The following RNF207 variants were observed in gnomAD, a reference collection of about 807,000 sequenced individuals.
The protein encoded by RNF207 is OTTHUMG00000001089.
A neutral mutation model predicts 79.0 loss-of-function variants in RNF207; 72 were observed. The observed-to-expected ratio is 0.91, with a 90% CI of 0.75 to 1.11. The LOEUF is 1.11. Ranked by LOEUF, RNF207 falls within the 50% of genes least tolerant of loss-of-function variation. The pLI is 0.00. For synonymous variants in RNF207, 348 were observed against 366.2 expected (o/e 0.95, Z 0.57); for missense variants, 936 against 855.8 (o/e 1.09, Z -1.17).
chr1:6,215,330 C>T (rs961471937), intron 16 of RNF207, among the ~76,000 whole-genome samples: 1 of 150,406 alleles, frequency 6.6e-6, no homozygotes, highest in Non-Finnish European at 1.5e-5. Context: ...ACCCGGCCCC[C>T]CTTTTTTTTT....
chr1:6,212,766 T>C, intron 15 of RNF207, 33 bp downstream of exon 15: 1 of 1,579,800 alleles, frequency 6.3e-7, no homozygotes, highest in African/African-American at 1.4e-5. Context: ...GTGAACCCTC[T>C]GTCCCTGAGC....
At chr1:6,213,677 T>C (rs1024737892) in intron 16 of RNF207, among the ~76,000 whole-genome samples, 4 of 151,838 alleles carry the variant, frequency 2.6e-5, no homozygotes, top group African/African-American at 9.7e-5. Flanking sequence ...CCCTCAGGAG[T>C]AGGTCAAAGC....
chr1:6,207,586 T>C lies in RNF207; in HGVS notation c.324+75T>C. ...CAGTCCCCAATGCTTGCACATGCAC[T>C]CAGCATGTCTTCAGAGGACGACCTG... On this transcript the variant is annotated intron_variant, in intron 3 of 17. Coordinates refer to ENST00000377939, the MANE Select transcript of RNF207 (RefSeq NM_207396.3). The surrounding 1 kb of genome is among the most constrained non-coding windows in gnomAD (Gnocchi z 4.5). 6.8e-7 allele frequency: 1 copy of C among 1,461,306 alleles called. No homozygotes were observed. Among genetic ancestry groups the C allele is most frequent in the South Asian group, 1.2e-5 (1 of 82,974 alleles). 90.5% of individuals were successfully genotyped at this position (1,461,306 alleles called of 1,614,324 possible). A position where few individuals can be genotyped will look rare whatever the true frequency, so the allele number is the denominator to read the frequency against.
rs561361658 is a variant in RNF207, at chr1:6,208,325, A to T, written c.325-556A>T. On this transcript the variant is annotated intron_variant, in intron 3 of 17. Coordinates refer to ENST00000377939, the MANE Select transcript of RNF207 (RefSeq NM_207396.3). ...TTTTGTTGCAGGTAAAAAAAAAAAA[A>T]TTTTTTTTTTTGAGACGGATTCTTG... The T allele has an allele frequency of 1.6e-3, 240 of 148,124 alleles. 1 individual carries two copies. Among genetic ancestry groups the T allele is most frequent in the Admixed American group, 3.2e-3 (48 of 14,842 alleles). 9.2% of individuals were successfully genotyped at this position (148,124 alleles called of 1,614,324 possible).
rs761234514 is a variant in RNF207, at chr1:6,206,512, C to A, written c.1-24C>A. 7 of 1,523,168 alleles carry A rather than the reference C, an allele frequency of 4.6e-6. No homozygotes were observed. The South Asian group carries it at 8.4e-5, about 18-fold the overall frequency. 94.4% of individuals were successfully genotyped at this position (1,523,168 alleles called of 1,614,324 possible). ...AGCGGGGCTCCGTGCGTGCCCCAGC[C>A]GCCCGCTTGCGCTGTCGCTGCAGAT... On this transcript the variant is annotated intron_variant, in intron 1 of 17. Transcript: ENST00000377939.
rs1169242870 is a variant in RNF207 at position 6,208,861 on chromosome 1, A to G, written c.325-20A>G. ...CCGCGGTCGGGCTCTGGCGCTCCTG[A>G]GCCCGCGCTCGGCCCGCAGGACGTG... On this transcript the variant is annotated intron_variant, in intron 3 of 17. Coordinates refer to ENST00000377939, the MANE Select transcript of RNF207 (RefSeq NM_207396.3). 2 of 1,520,818 alleles carry G rather than the reference A, an allele frequency of 1.3e-6. No homozygotes were observed. The highest frequency in any genetic ancestry group is 4.0e-5 in the Admixed American group (2 of 49,516). 94.2% of individuals were successfully genotyped at this position (1,520,818 alleles called of 1,614,324 possible).
At chr1:6,212,481 C>G in intron 14 of RNF207, 65 bp downstream of exon 14, 1 of 1,478,214 alleles carries the variant, frequency 6.8e-7, no homozygotes, top group Non-Finnish European at 9.2e-7. Context: ...TACCCTAAGA[C>G]AGTAAGCGGG....
Position 6,206,291 on chromosome 1 carries a change from G to T in RNF207, c.-12G>T, listed in dbSNP as rs1318453326. ...CGGAGGACCGGTAGCTCCCAGCAAAGCGGCCCAGCGGGTAGGTACAAGGCC... is the reference window on the plus strand; with the variant it reads ...CGGAGGACCGGTAGCTCCCAGCAAATCGGCCCAGCGGGTAGGTACAAGGCC... On this transcript the variant is annotated 5_prime_UTR_variant, in exon 1 of 18. Coordinates refer to ENST00000377939, the MANE Select transcript of RNF207 (RefSeq NM_207396.3). The T allele has an allele frequency of 6.6e-6, 3 of 453,412 alleles. No individual in the cohort carries two copies. Among genetic ancestry groups the T allele is most frequent in the African/African-American group, 6.2e-5 (3 of 48,368 alleles). The allele number at this position is 453,412 out of a possible 1,614,324, so 28.1% of individuals were successfully genotyped here.
At position 6,221,208 on chromosome 1, in the gene RNF207, T is replaced by G. The variant is rs1453927009; in HGVS notation, c.*1801T>G. The G allele has an allele frequency of 3.3e-5, 5 of 152,638 alleles. No homozygotes were observed. Among genetic ancestry groups the G allele is most frequent in the African/African-American group, 1.2e-4 (5 of 41,470 alleles). 9.5% of individuals were successfully genotyped at this position (152,638 alleles called of 1,614,324 possible). ...CACACTGTGGTTGAGTGAAATCAAG[T>G]GCAGTTTTATTTAAGAACTGGAAAG... is the stretch of plus-strand genomic sequence containing the variant. On this transcript the variant is annotated 3_prime_UTR_variant, in exon 18 of 18. Coordinates refer to ENST00000377939, the MANE Select transcript of RNF207 (RefSeq NM_207396.3).
intron 16 of RNF207, among the ~76,000 whole-genome samples, chr1:6,216,505 G>A (rs1313609376): frequency 6.6e-6 from 1 of 151,956 alleles, no homozygotes; most frequent in Non-Finnish European, 1.5e-5. Flanking sequence ...CCCTCCCGTA[G>A]GTCCAGGCCT....
At chr1:6,215,240 T>C (rs113616976) in intron 16 of RNF207, among the ~76,000 whole-genome samples, 22,340 of 151,786 alleles carry the variant, frequency 0.15, 3,695 homozygotes, top group African/African-American at 0.41. Flanking sequence ...GTTGGTCAGG[T>C]TGGTCTTGAA....
rs752525014 is a variant in RNF207 at position 6,209,358 on chromosome 1, C to T, written c.627+15C>T. ...AGGCGGTGCTGGTGAGCGCAGGGGC[C>T]TGGCGCGCGGGGCCGCGCGGCGGCG... On this transcript the variant is annotated intron_variant, in intron 6 of 17. Transcript: ENST00000377939. The T allele has an allele frequency of 6.1e-5, 93 of 1,533,930 alleles. No individual in the cohort carries two copies. In the Middle Eastern group the frequency reaches 1.0e-3, roughly 17 times the overall value.
In RNF207 at chr1:6,212,325, T is replaced by C. The variant is rs1294110020; in HGVS notation, c.1391T>C (p.Met464Thr). The change falls in exon 14 of 18, where the codon ATG (methionine) becomes ACG (threonine). Residue 464 changes from methionine (M) to threonine (T), a missense_variant. Met to Thr is a moderately conservative substitution (Grantham distance 81). Coordinates refer to ENST00000377939, the MANE Select transcript of RNF207 (RefSeq NM_207396.3). ...KHHSLIKAEIMGDVLHKSLQL... is the reference protein window; with the variant it reads ...KHHSLIKAEITGDVLHKSLQL... ...CACTCGCTCATCAAGGCGGAGATCATGGGAGACGTCCTGCACAAGTCCCTG... is the reference window on the plus strand; with the variant it reads ...CACTCGCTCATCAAGGCGGAGATCACGGGAGACGTCCTGCACAAGTCCCTG... The C allele has an allele frequency of 3.7e-6, 6 of 1,613,580 alleles. No homozygotes were observed. Among genetic ancestry groups the C allele is most frequent in the African/African-American group, 1.3e-5 (1 of 74,772 alleles).
rs1010823044 is a variant in RNF207 at position 6,211,709 on chromosome 1, C to A, written c.1110-158C>A. Among the ~76,000 whole-genome samples, 2 of 152,158 alleles carry A rather than the reference C, an allele frequency of 1.3e-5. No individual in the cohort carries two copies. The highest frequency in any genetic ancestry group is 4.8e-5 in the African/African-American group (2 of 41,442). The stretch of plus-strand genomic sequence containing the variant: ...AATAGATGTGGATGTCCGGGTGAGG[C>A]CTTGCCTCAGCCTTTTCAAATCTCC... On this transcript the variant is annotated intron_variant, in intron 12 of 17. Coordinates refer to ENST00000377939, the MANE Select transcript of RNF207 (RefSeq NM_207396.3). This position sits in a 1 kb window ranked among gnomAD's most constrained non-coding sequence, Gnocchi z 4.2.
intron 3 of RNF207, 82 bp from the exon 4 acceptor site, chr1:6,208,799 G>A: frequency 7.2e-7 from 1 of 1,391,350 alleles, no homozygotes; most frequent in Non-Finnish European, 9.5e-7. Flanking sequence ...GGACAAACAC[G>A]CGCAGTGACA....
Position 6,218,375 on chromosome 1 carries a change from G to C in RNF207, c.1733+6G>C. The C allele has an allele frequency of 6.2e-7, 1 of 1,607,678 alleles. No homozygotes were observed. ...AACAACGCGGCCTCAGCCAGGTAAA[G>C]CAAGTCTCTCCACTGGAGAGTGTGC... On this transcript the variant is annotated splice_donor_region_variant and intron_variant, in intron 17 of 17. Transcript: ENST00000377939.
chr1:6,206,316 C>T lies in RNF207; in HGVS notation c.-1+14C>T, dbSNP rs983988406. 1.8e-6 allele frequency: 1 copy of T among 550,950 alleles called. No individual in the cohort carries two copies. Among genetic ancestry groups the T allele is most frequent in the African/African-American group, 2.0e-5 (1 of 49,502 alleles). The allele number at this position is 550,950 out of a possible 1,614,324, so 34.1% of individuals were successfully genotyped here. A position where few individuals can be genotyped will look rare whatever the true frequency, so the allele number is the denominator to read the frequency against. On this transcript the variant is annotated intron_variant, in intron 1 of 17. Coordinates refer to ENST00000377939, the MANE Select transcript of RNF207 (RefSeq NM_207396.3). ...GCGGCCCAGCGGGTAGGTACAAGGC[C>T]CCGCCCCTCGCCAGTCCTCACTGCC...
At position 6,217,729 on chromosome 1, in the gene RNF207, C is replaced by T. The variant is rs1332085736; in HGVS notation, c.1653-560C>T. On this transcript the variant is annotated intron_variant, in intron 16 of 17. Coordinates refer to ENST00000377939, the MANE Select transcript of RNF207 (RefSeq NM_207396.3). The surrounding 1 kb of genome is among the most constrained non-coding windows in gnomAD (Gnocchi z 4.2). ...TGAATCCAGATCATCATGGCCAACC[C>T]TCCTACCCCTCCAGCCGCCATGAAG... 6.6e-6 allele frequency among the ~76,000 whole-genome samples: 1 copy of T among 152,162 alleles called. No homozygotes were observed. Among genetic ancestry groups the T allele is most frequent in the African/African-American group, 2.4e-5 (1 of 41,426 alleles).
rs1668152146 is a variant in RNF207, at chr1:6,211,172, G to A, written c.1109+54G>A. On this transcript the variant is annotated intron_variant, in intron 12 of 17. Coordinates refer to ENST00000377939, the MANE Select transcript of RNF207 (RefSeq NM_207396.3). This position sits in a 1 kb window ranked among gnomAD's most constrained non-coding sequence, Gnocchi z 4.2. ...AAGGTCCCCAACACTGGGGTGTGGG[G>A]GAGGGTGGGCGCTGAGGGGCCAGAT... 16 of 1,304,756 alleles carry A rather than the reference G, an allele frequency of 1.2e-5. No homozygotes were observed. Among genetic ancestry groups the A allele is most frequent in the Non-Finnish European group, 1.6e-5 (15 of 947,248 alleles). 80.8% of individuals were successfully genotyped at this position (1,304,756 alleles called of 1,614,324 possible).
Sources: allele counts gnomAD v4.1 joint callset (sites outside exome capture counted in the v4.1 genomes callset), GRCh38; gene constraint gnomAD v4.1.1; non-coding constraint Gnocchi (gnomAD v3.1); transcripts MANE v1.5; gene names NCBI Gene and HGNC (gene_info 2026-07-23, HGNC 2026-07-21).